Variants in PARN observed in about 807,000 individuals in gnomAD.
PARN encodes the protein poly(A)-specific ribonuclease PARN.
PARN carries 71 observed loss-of-function variants against 102.8 expected under a neutral mutation model. That is an observed-to-expected ratio of 0.69 (90% CI 0.57 to 0.84). The LOEUF (loss-of-function observed/expected upper bound fraction) is 0.84, where lower values mean the gene tolerates loss of function less well. Ranked by LOEUF, PARN falls within the 40% of genes least tolerant of loss-of-function variation. PARN has a pLI of 0.00. For missense variants in PARN, 782 were observed against 760.9 expected (o/e 1.03, Z -0.33); for synonymous variants, 261 against 252.9 (o/e 1.03, Z -0.30).
intron 8 of PARN, 72 bp from the exon 9 acceptor site, chr16:14,608,391 G>T: frequency 4.1e-6 from 4 of 977,896 alleles, no homozygotes; most frequent in Non-Finnish European, 6.2e-6. Flanking sequence ...AGCATTTGTT[G>T]AGAAGGATTT....
At chr16:14,571,111 C>T (rs1347547786) in intron 18 of PARN, among the ~76,000 whole-genome samples, 3 of 152,100 alleles carry the variant, frequency 2.0e-5, no homozygotes, top group East Asian at 1.9e-4. Flanking sequence ...ACTCCAGGCG[C>T]GGTGGCTCAT....
intron 11 of PARN, among the ~76,000 whole-genome samples, chr16:14,601,479 T>C (rs1413801699): frequency 1.3e-5 from 2 of 152,096 alleles, no homozygotes; most frequent in African/African-American, 4.8e-5. Context: ...GCTTGATTAG[T>C]ACAGTTTCGG....
chr16:14,606,850 C>T (rs937054795), intron 9 of PARN, among the ~76,000 whole-genome samples: 3 of 150,550 alleles, frequency 2.0e-5, no homozygotes, highest in African/African-American at 7.3e-5. Context: ...GGCGCGATCT[C>T]GGCTCACTGC....
intron 16 of PARN, among the ~76,000 whole-genome samples, 168 bp downstream of exon 16, chr16:14,584,179 C>G (rs146667064): frequency 6.6e-6 from 1 of 152,276 alleles, no homozygotes; most frequent in East Asian, 1.9e-4. Context: ...AATTAAAAGA[C>G]CATCTTTATT....
chr16:14,628,547 TG>T (rs1405627946), intron 2 of PARN, among the ~76,000 whole-genome samples: 1 of 152,274 alleles, frequency 6.6e-6, no homozygotes, highest in African/African-American at 2.4e-5. Flanking sequence ...GAATAAGTTT[TG>T]CTGCTTTAAA....
chr16:14,616,123 T>C (rs1971886962), intron 6 of PARN, among the ~76,000 whole-genome samples: 1 of 152,198 alleles, frequency 6.6e-6, no homozygotes, highest in Non-Finnish European at 1.5e-5. Context: ...AATTAAAATA[T>C]TGACCTTGTA....
At chr16:14,585,475 A>T (rs759013378) in intron 14 of PARN, among the ~76,000 whole-genome samples, 2 of 151,552 alleles carry the variant, frequency 1.3e-5, no homozygotes, top group South Asian at 4.2e-4. Flanking sequence ...CCTCTTCAAC[A>T]GGTCCTAAGA....
chr16:14,551,024 C>T (rs905851540), intron 21 of PARN, among the ~76,000 whole-genome samples: 2 of 151,226 alleles, frequency 1.3e-5, no homozygotes, highest in Non-Finnish European at 2.9e-5. Context: ...GCAGTGGGTG[C>T]GGATGTTGGC....
At chr16:14,605,599 T>C (rs1971130689) in intron 10 of PARN, among the ~76,000 whole-genome samples, 1 of 152,178 alleles carries the variant, frequency 6.6e-6, no homozygotes, top group African/African-American at 2.4e-5. Context: ...GTACTTTCTT[T>C]CTCATATATT....
chr16:14,503,651 G>A (rs1357303315), intron 21 of PARN, among the ~76,000 whole-genome samples: 2 of 152,160 alleles, frequency 1.3e-5, no homozygotes, highest in African/African-American at 4.8e-5. Flanking sequence ...TACCAAAATG[G>A]TCTGGACCAC....
In PARN at chr16:14,584,739, T is replaced by C. The variant is rs1007818879; in HGVS notation, c.1005+10A>G. On this transcript the variant is annotated intron_variant, in intron 15 of 23. Transcript: ENST00000437198. ...TGCAGTCGCTTTATAAAGTAGCAAA[T>C]GAATAATACCTTAAAAGGTTGTGTG... The C allele has an allele frequency of 4.5e-6, 7 of 1,564,306 alleles. No homozygotes were observed. Among genetic ancestry groups the C allele is most frequent in the South Asian group, 1.2e-5 (1 of 84,234 alleles).
At chr16:14,596,245 A>C (rs1420700016) in intron 12 of PARN, among the ~76,000 whole-genome samples, 1 of 152,158 alleles carries the variant, frequency 6.6e-6, no homozygotes, top group Non-Finnish European at 1.5e-5. Flanking sequence ...AAAGCAAAGA[A>C]GTGCTCAGAA....
intron 18 of PARN, among the ~76,000 whole-genome samples, chr16:14,577,603 G>T (rs1186201437): frequency 6.6e-6 from 1 of 152,032 alleles, no homozygotes; most frequent in Non-Finnish European, 1.5e-5. Flanking sequence ...CAAAGTGGTG[G>T]GATTACAGGC....
chr16:14,495,208 A>G (rs1317877164), intron 21 of PARN, among the ~76,000 whole-genome samples: 3 of 152,298 alleles, frequency 2.0e-5, no homozygotes, highest in African/African-American at 7.2e-5. Context: ...AGAAGAGGCC[A>G]GGCATGGTGG....
chr16:14,442,434 C>G (rs1361217029), intron 23 of PARN, among the ~76,000 whole-genome samples: 1 of 152,160 alleles, frequency 6.6e-6, no homozygotes, highest in South Asian at 2.1e-4. Context: ...TACCAATCAA[C>G]AGTCATATCA....
In PARN at chr16:14,509,348, C is replaced by T. The variant is rs1447283211; in HGVS notation, c.1481-26521G>A. Among the ~76,000 whole-genome samples the T allele has an allele frequency of 7.9e-5, 12 of 152,278 alleles. No individual in the cohort carries two copies. In the East Asian group the frequency reaches 2.3e-3, roughly 29 times the overall value. ...TGGCTCACAGAAAGAACAAACAGCG[C>T]ACTTAGGAGCTACTGAGCTGGAGGT... On this transcript the variant is annotated intron_variant, in intron 21 of 23. Transcript: ENST00000437198.
At chr16:14,445,421 TGAC>T (rs1310719829) in intron 23 of PARN, among the ~76,000 whole-genome samples, 3 of 152,230 alleles carry the variant, frequency 2.0e-5, no homozygotes, top group African/African-American at 7.2e-5. Context: ...TTCCACCACT[TGAC>T]TACTACTTTC....
At position 14,470,437 on chromosome 16, in the gene PARN, GATTATTATT is replaced by G. The variant is rs56768991; in HGVS notation, c.1670+12192_1670+12200del. ...ACTATAGAAATCTTAGAGTTTGGAT[GATTATTATT>G]ATTATTATTATTATTATTATTATTA... On this transcript the variant is annotated intron_variant, in intron 22 of 23. Coordinates refer to ENST00000437198, the MANE Select transcript of PARN (RefSeq NM_002582.4). Among the ~76,000 whole-genome samples the G allele has an allele frequency of 6.9e-3, 1,021 of 147,152 alleles. 13 individuals are homozygous for G. The highest frequency in any genetic ancestry group is 0.029 in the East Asian group (145 of 5,076).
intron 21 of PARN, among the ~76,000 whole-genome samples, chr16:14,518,540 A>C (rs1410743749): frequency 6.6e-6 from 1 of 152,136 alleles, no homozygotes; most frequent in Non-Finnish European, 1.5e-5. Flanking sequence ...CTTGTAAAAT[A>C]AAAAAAGCAA....
Sources: allele counts gnomAD v4.1 joint callset (sites outside exome capture counted in the v4.1 genomes callset), GRCh38; gene constraint gnomAD v4.1.1; transcripts MANE v1.5; gene names NCBI Gene and HGNC (gene_info 2026-07-23, HGNC 2026-07-21).